ADAP1: variants seen among roughly 807,000 people sequenced by gnomAD.
ADAP1 encodes ArfGAP with dual PH domains 1, also known as arf-GAP with dual PH domain-containing protein 1.
A neutral mutation model predicts 54.9 loss-of-function variants in ADAP1; 31 were observed. The observed-to-expected ratio is 0.56, with a 90% CI of 0.42 to 0.76. The LOEUF is 0.76. Ranked by LOEUF, ADAP1 falls within the 30% of genes least tolerant of loss-of-function variation. ADAP1 has a pLI of 0.00. For missense variants in ADAP1, 535 were observed against 512.4 expected (o/e 1.04, Z -0.42); for synonymous variants, 313 against 202.6 (o/e 1.55, Z -4.63).
Position 946,282 on chromosome 7 carries a change from A to G in ADAP1, c.82+8114T>C, listed in dbSNP as rs974558646. ...GCCGGTGGATCCCCGCCAGCGAGGC[A>G]GTGACCTCTGGAGCTCCTGGGTGGG... is the stretch of plus-strand genomic sequence containing the variant. On this transcript the variant is annotated intron_variant, in intron 1 of 10. Transcript: ENST00000265846. The surrounding 1 kb of genome is among the most constrained non-coding windows in gnomAD (Gnocchi z 4.3). 6.6e-6 allele frequency among the ~76,000 whole-genome samples: 1 copy of G among 152,040 alleles called. No individual in the cohort carries two copies. Among genetic ancestry groups the G allele is most frequent in the Non-Finnish European group, 1.5e-5 (1 of 67,994 alleles).
chr7:930,443 C>T (rs954923690), intron 2 of ADAP1, among the ~76,000 whole-genome samples: 9 of 9,692 alleles, frequency 9.3e-4, no homozygotes, highest in African/African-American at 2.2e-3. Flanking sequence ...TTTGGGAGGC[C>T]AAGGCGGGCG....
chr7:907,897 C>T (rs936335274), intron 4 of ADAP1, among the ~76,000 whole-genome samples: 4 of 151,892 alleles, frequency 2.6e-5, no homozygotes, highest in Non-Finnish European at 5.9e-5. Flanking sequence ...GGTCGCGGGG[C>T]CGTCTGCCGA....
At chr7:906,788 G>T (rs1417535322) in intron 4 of ADAP1, among the ~76,000 whole-genome samples, 5,255 of 26,432 alleles carry the variant, frequency 0.2, 629 homozygotes, top group African/African-American at 0.29. Flanking sequence ...GGGACACGGG[G>T]GACGGGACAG....
intron 2 of ADAP1, among the ~76,000 whole-genome samples, chr7:934,934 G>A (rs1007151483): frequency 1.3e-5 from 2 of 152,212 alleles, no homozygotes; most frequent in Non-Finnish European, 1.5e-5. Flanking sequence ...ACACGGCAGC[G>A]GGCCGGGGTG....
upstream of ADAP1, chr7:954,745 G>A (rs1847347400): frequency 1.0e-6 from 1 of 977,774 alleles, no homozygotes; most frequent in Non-Finnish European, 1.2e-6. Context: ...GGCCCCCAGC[G>A]GTGCAGGCGA....
chr7:939,197 T>C (rs1465316409), intron 1 of ADAP1, among the ~76,000 whole-genome samples: 4 of 152,164 alleles, frequency 2.6e-5, no homozygotes, highest in Non-Finnish European at 4.4e-5. Context: ...ATGGAGACTC[T>C]ACGGCCCTAA....
chr7:930,722 A>C (rs374298841), intron 2 of ADAP1, among the ~76,000 whole-genome samples: 1 of 151,814 alleles, frequency 6.6e-6, no homozygotes, highest in African/African-American at 2.4e-5. Flanking sequence ...GGGAGGCTGA[A>C]GCAGGAGAAT....
chr7:907,768 G>A (rs1583139419), intron 4 of ADAP1, among the ~76,000 whole-genome samples: 2 of 152,328 alleles, frequency 1.3e-5, no homozygotes, highest in Admixed American at 6.5e-5. Context: ...GTCGCGTGCA[G>A]GTCCCGCCGT....
chr7:944,695 G>A (rs532488928), intron 1 of ADAP1, among the ~76,000 whole-genome samples: 2 of 152,290 alleles, frequency 1.3e-5, no homozygotes, highest in East Asian at 1.9e-4. Flanking sequence ...CACCTCAAGC[G>A]TGTATCATTT....
chr7:899,456 A>G lies in ADAP1; in HGVS notation c.830T>C (p.Met277Thr). 6.2e-7 allele frequency: 1 copy of G among 1,613,182 alleles called. No homozygotes were observed. The highest frequency in any genetic ancestry group is 8.5e-7 in the Non-Finnish European group (1 of 1,179,916). ...TEGFRKRWFT[M>T]DDRRLMYFKD... ...GAAGTACATGAGCCTGCGGTCATCCATGGTGAACCAGCGCTTCCGGAAGCC... is the reference window on the plus strand; with the variant it reads ...GAAGTACATGAGCCTGCGGTCATCCGTGGTGAACCAGCGCTTCCGGAAGCC... Residue 277 changes from methionine (M) to threonine (T), a missense_variant, in exon 9 of 11, where the codon ATG (methionine) becomes ACG (threonine). Physicochemically the swap from Met to Thr is moderately conservative, Grantham distance 81. Transcript: ENST00000265846.
intron 6 of ADAP1, chr7:903,902 T>A: frequency 1.9e-6 from 1 of 540,400 alleles, no homozygotes; most frequent in Non-Finnish European, 3.2e-6. Context: ...GGAAGCTGCC[T>A]TCCTGCACCT....
At chr7:913,494 CCCGGT>C (rs1845809023) in intron 4 of ADAP1, among the ~76,000 whole-genome samples, 1 of 152,138 alleles carries the variant, frequency 6.6e-6, no homozygotes, top group Admixed American at 6.5e-5. Flanking sequence ...AGGCACCGCG[CCCGGT>C]CCTCCCCTTT....
chr7:906,783 A>AT (rs1845465543), intron 4 of ADAP1, among the ~76,000 whole-genome samples: 92 of 8,036 alleles, frequency 0.011, 10 homozygotes, highest in African/African-American at 0.038. Context: ...GACAGGGGAC[A>AT]CGGGGGACGG....
At chr7:921,892 G>A (rs1026651960) in intron 3 of ADAP1, among the ~76,000 whole-genome samples, 6 of 152,176 alleles carry the variant, frequency 3.9e-5, no homozygotes, top group Admixed American at 2.0e-4. Context: ...CCCTCAGGGC[G>A]GGGCACCCAC....
At chr7:904,049 C>T in intron 6 of ADAP1, 77 bp downstream of exon 6, 1 of 1,587,472 alleles carries the variant, frequency 6.3e-7, no homozygotes. Flanking sequence ...CGTCCAAGCA[C>T]CCACCTTCCT....
At chr7:954,806 C>T, upstream of ADAP1, 2 of 773,512 alleles carry the variant, frequency 2.6e-6, no homozygotes, top group African/African-American at 1.9e-5. Flanking sequence ...CCGCGCGCCC[C>T]GGGGACCCGC....
At chr7:924,758 C>G (rs13231160) in intron 3 of ADAP1, among the ~76,000 whole-genome samples, 30,328 of 151,722 alleles carry the variant, frequency 0.2, 3,865 homozygotes, top group Middle Eastern at 0.39. Flanking sequence ...CATGTCAGCC[C>G]CCGGTCCCGA....
chr7:906,327 G>GA (rs200266202), intron 4 of ADAP1, among the ~76,000 whole-genome samples: 2 of 27,262 alleles, frequency 7.3e-5, no homozygotes, highest in Non-Finnish European at 1.5e-4. Flanking sequence ...AAGGAGAAAG[G>GA]GAAAGGAGAA....
At chr7:929,932 C>A (rs560038166) in intron 2 of ADAP1, among the ~76,000 whole-genome samples, 2 of 151,450 alleles carry the variant, frequency 1.3e-5, no homozygotes, top group Non-Finnish European at 2.9e-5. Context: ...GTGAGACCCC[C>A]GTCTCTACAA....
Sources: allele counts gnomAD v4.1 joint callset (sites outside exome capture counted in the v4.1 genomes callset), GRCh38; gene constraint gnomAD v4.1.1; non-coding constraint Gnocchi (gnomAD v3.1); transcripts MANE v1.5; gene names NCBI Gene and HGNC (gene_info 2026-07-23, HGNC 2026-07-21).